Variants in NXN observed in about 807,000 individuals in gnomAD.
NXN encodes nucleoredoxin, also known as nucleoredoxin 1.
In NXN, 16 loss-of-function variants were observed where a neutral mutation model predicts 48.6. The observed-to-expected ratio is 0.33, with a 90% CI of 0.22 to 0.50. The LOEUF is 0.50. Ranked by LOEUF, NXN falls within the 20% of genes least tolerant of loss-of-function variation. NXN has a pLI of 0.98. For missense variants in NXN, 492 were observed against 605.5 expected, an observed-to-expected ratio of 0.81 and a Z score of 1.97; for synonymous variants, 281 against 269.6, an observed-to-expected ratio of 1.04 and a Z score of -0.41.
intron 1 of NXN, among the ~76,000 whole-genome samples, chr17:936,091 CAAAAAAAAAA>C (rs71371597): frequency 1.6e-5 from 1 of 61,796 alleles, no homozygotes. Context: ...GATTCCATCT[CAAAAAAAAAA>C]AAAAAAAAAA....
At chr17:844,420 G>C (rs34011158) in intron 1 of NXN, among the ~76,000 whole-genome samples, 5,277 of 151,194 alleles carry the variant, frequency 0.035, 213 homozygotes, top group East Asian at 0.22. Flanking sequence ...GCCCTCCTTA[G>C]CTGGAAGGTG....
At chr17:876,804 G>A (rs2068221113) in intron 1 of NXN, among the ~76,000 whole-genome samples, 1 of 152,084 alleles carries the variant, frequency 6.6e-6, no homozygotes, top group African/African-American at 2.4e-5. Context: ...AGCACTTTGG[G>A]AGGCTGCGGG....
chr17:828,016 A>AT (rs775709103), intron 1 of NXN, among the ~76,000 whole-genome samples: 6 of 152,260 alleles, frequency 3.9e-5, no homozygotes, highest in East Asian at 1.9e-4. Flanking sequence ...TTCAATCTGC[A>AT]TGTTTTTCCC....
intron 1 of NXN, among the ~76,000 whole-genome samples, chr17:941,964 CCA>C: frequency 1.8e-5 from 1 of 54,532 alleles, no homozygotes; most frequent in Non-Finnish European, 4.0e-5. Context: ...CATGAATTCA[CCA>C]AACACCTCCC....
chr17:915,003 C>T (rs547405058), intron 1 of NXN, among the ~76,000 whole-genome samples: 11 of 151,898 alleles, frequency 7.2e-5, no homozygotes, highest in South Asian at 2.1e-4. Flanking sequence ...GGTGCGATCT[C>T]GGCTCACTCC....
chr17:851,728 A>C (rs2067925030), intron 1 of NXN, among the ~76,000 whole-genome samples: 1 of 152,228 alleles, frequency 6.6e-6, no homozygotes, highest in African/African-American at 2.4e-5. Flanking sequence ...CCTTCAAAAA[A>C]TTATTTTGAA....
At chr17:824,618 C>G (rs781499902) in intron 2 of NXN, among the ~76,000 whole-genome samples, 1 of 152,266 alleles carries the variant, frequency 6.6e-6, no homozygotes, top group East Asian at 1.9e-4. Context: ...CTGGGCCCCA[C>G]GCCCAGAGAT....
rs532940389 is a variant in NXN, at chr17:895,778, A to C, written c.361-69700T>G. Reference sequence around the variant, plus strand: ...GCTTGCAGTGAGCCGAGATCGCACCACTGCACTCCAGCCTGGGTTTTGTTT... The same window carrying C: ...GCTTGCAGTGAGCCGAGATCGCACCCCTGCACTCCAGCCTGGGTTTTGTTT... On this transcript the variant is annotated intron_variant, in intron 1 of 7. Transcript: ENST00000336868. 3.1e-4 allele frequency among the ~76,000 whole-genome samples: 4 copies of C among 12,730 alleles called. 1 individual carries two copies. The highest frequency in any genetic ancestry group is 2.3e-3 in the African/African-American group (4 of 1,774). The allele number at this position is 12,730 out of a possible 152,430, so 8.4% of individuals were successfully genotyped here.
chr17:808,580 C>T (rs966452928), intron 5 of NXN, among the ~76,000 whole-genome samples: 2 of 151,536 alleles, frequency 1.3e-5, no homozygotes, highest in Non-Finnish European at 2.9e-5. Flanking sequence ...CAGGTGTGAA[C>T]CACCATGCCC....
chr17:895,789 G>T (rs1445780184), intron 1 of NXN, among the ~76,000 whole-genome samples: 1 of 3,578 alleles, frequency 2.8e-4, no homozygotes, highest in African/African-American at 8.5e-3. Context: ...CTGCACTCCA[G>T]CCTGGGTTTT....
At chr17:957,489 G>A (rs761395729) in intron 1 of NXN, among the ~76,000 whole-genome samples, 7 of 152,052 alleles carry the variant, frequency 4.6e-5, no homozygotes, top group Non-Finnish European at 1.0e-4. Flanking sequence ...AAAATTACCT[G>A]AGCGTGGTGG....
intron 1 of NXN, among the ~76,000 whole-genome samples, chr17:835,330 G>A (rs1043534665): frequency 6.7e-5 from 10 of 149,538 alleles, no homozygotes; most frequent in South Asian, 2.1e-4. Flanking sequence ...AAAAGAAAAC[G>A]TCATAGCAAA....
chr17:813,044 C>T (rs868116142), intron 5 of NXN, among the ~76,000 whole-genome samples: 6 of 151,612 alleles, frequency 4.0e-5, no homozygotes, highest in Non-Finnish European at 2.9e-5. Context: ...AATGTGTGAG[C>T]GTGTGTGTGC....
Position 843,060 on chromosome 17 carries a change from G to A in NXN, c.361-16982C>T, listed in dbSNP as rs867963814. On this transcript the variant is annotated intron_variant, in intron 1 of 7. Coordinates refer to ENST00000336868, the MANE Select transcript of NXN (RefSeq NM_022463.5). ...AGAAAGAAAGAAAGAAAGAAAGAAG[G>A]AAGAAAGCAAGCAAGCAAGCTGCAC... is the stretch of plus-strand genomic sequence containing the variant. Among the ~76,000 whole-genome samples the A allele has an allele frequency of 1.5e-3, 168 of 109,344 alleles. 1 individual carries two copies. Among genetic ancestry groups the A allele is most frequent in the African/African-American group, 5.4e-3 (129 of 23,932 alleles). The allele number at this position is 109,344 out of a possible 152,430, so 71.7% of individuals were successfully genotyped here.
At chr17:812,216 T>C (rs9903853) in intron 5 of NXN, among the ~76,000 whole-genome samples, 6,086 of 152,140 alleles carry the variant, frequency 0.04, 388 homozygotes, top group African/African-American at 0.14. Context: ...CGTGAGCCAC[T>C]GCGCGTGGCC....
At chr17:823,210 C>T (rs920715821) in intron 3 of NXN, among the ~76,000 whole-genome samples, 5 of 152,018 alleles carry the variant, frequency 3.3e-5, no homozygotes, top group African/African-American at 1.2e-4. Flanking sequence ...ACCAGCCTGG[C>T]CAACATGGCA....
At chr17:801,232 T>A in intron 7 of NXN, 101 bp from the exon 8 acceptor site, 1 of 912,396 alleles carries the variant, frequency 1.1e-6, no homozygotes, top group Admixed American at 4.1e-5. Context: ...TCCCGCACCC[T>A]GAAGAGCCGG....
intron 1 of NXN, among the ~76,000 whole-genome samples, chr17:945,613 A>G (rs928627103): frequency 2.1e-5 from 3 of 141,474 alleles, no homozygotes; most frequent in African/African-American, 8.3e-5. Context: ...CCTGGGCGAG[A>G]GAGTGACTCC....
At chr17:883,646 G>C (rs942289662) in intron 1 of NXN, among the ~76,000 whole-genome samples, 2 of 152,282 alleles carry the variant, frequency 1.3e-5, no homozygotes, top group Admixed American at 6.5e-5. Flanking sequence ...GAAAAGCACT[G>C]AGGAAGGCTC....
Sources: allele counts gnomAD v4.1 joint callset (sites outside exome capture counted in the v4.1 genomes callset), GRCh38; gene constraint gnomAD v4.1.1; transcripts MANE v1.5; gene names NCBI Gene and HGNC (gene_info 2026-07-23, HGNC 2026-07-21).